The following LHFPL4 variants were observed in gnomAD, a reference collection of about 807,000 sequenced individuals.
LHFPL4 encodes LHFPL tetraspan subfamily member 4 protein.
Under a neutral mutation model 20.0 loss-of-function variants are expected in LHFPL4, and 6 were observed. That is an observed-to-expected ratio of 0.30 (90% CI 0.16 to 0.59). The LOEUF (loss-of-function observed/expected upper bound fraction) is 0.59. Among genes scored for constraint, LHFPL4 ranks in the 20% least tolerant of loss-of-function variants. The pLI, the probability that LHFPL4 is intolerant of heterozygous loss-of-function variation, is 0.88. For synonymous variants in LHFPL4, 129 were observed against 143.8 expected, an observed-to-expected ratio of 0.90 and a Z score of 0.74; for missense variants, 215 against 331.2, an observed-to-expected ratio of 0.65 and a Z score of 2.72.
intron 2 of LHFPL4, among the ~76,000 whole-genome samples, chr3:9,515,553 T>C (rs553445633): frequency 1.3e-5 from 2 of 152,194 alleles, no homozygotes; most frequent in South Asian, 4.1e-4. Flanking sequence ...TCTGTATTTT[T>C]AGTAGAGATG....
chr3:9,542,518 A>G (rs1297280217), intron 2 of LHFPL4, among the ~76,000 whole-genome samples: 1 of 152,192 alleles, frequency 6.6e-6, no homozygotes. Flanking sequence ...ACAAAAGACT[A>G]TATAGTGCCC....
chr3:9,545,113 TG>T (rs1308513120), intron 2 of LHFPL4, among the ~76,000 whole-genome samples: 1 of 144,202 alleles, frequency 6.9e-6, no homozygotes, highest in Non-Finnish European at 1.5e-5. Context: ...AGAAGAGGGG[TG>T]GGGAGAGGGA....
chr3:9,537,828 C>T (rs2046452706), intron 2 of LHFPL4, among the ~76,000 whole-genome samples: 1 of 152,128 alleles, frequency 6.6e-6, no homozygotes, highest in African/African-American at 2.4e-5. Flanking sequence ...GCAATTTCAT[C>T]TATGCTCAGA....
At chr3:9,520,681 GA>G (rs1333309730) in intron 2 of LHFPL4, among the ~76,000 whole-genome samples, 1 of 152,076 alleles carries the variant, frequency 6.6e-6, no homozygotes, top group Non-Finnish European at 1.5e-5. Flanking sequence ...ATGTGTTATT[GA>G]GAAGTGTGTT....
intron 2 of LHFPL4, among the ~76,000 whole-genome samples, chr3:9,540,427 G>A (rs1018659124): frequency 3.3e-5 from 5 of 152,176 alleles, no homozygotes; most frequent in African/African-American, 1.2e-4. Flanking sequence ...TAGAATGTGG[G>A]CTGGATTTAG....
intron 2 of LHFPL4, among the ~76,000 whole-genome samples, chr3:9,519,954 G>T (rs765825921): frequency 6.6e-6 from 1 of 151,902 alleles, no homozygotes; most frequent in Non-Finnish European, 1.5e-5. Flanking sequence ...TCACCATCCT[G>T]GTTGATTTTT....
rs560400579 is a variant in LHFPL4 at position 9,529,825 on chromosome 3, G to A, written c.406+22449C>T. Among the ~76,000 whole-genome samples, 32 of 151,742 alleles carry A rather than the reference G, an allele frequency of 2.1e-4. No individual in the cohort carries two copies. The South Asian group carries it at 6.5e-3, about 31-fold the overall frequency. ...TTTTTGTATTTTTAGTAGAGATGGG[G>A]TTTCACCATCTTGGCCATGCTGGTC... is the stretch of plus-strand genomic sequence containing the variant. On this transcript the variant is annotated intron_variant, in intron 2 of 3. Coordinates refer to ENST00000287585, the MANE Select transcript of LHFPL4 (RefSeq NM_198560.3).
Position 9,538,691 on chromosome 3 carries a change from A to T in LHFPL4, c.406+13583T>A, listed in dbSNP as rs531114155. On this transcript the variant is annotated intron_variant, in intron 2 of 3. Coordinates refer to ENST00000287585, the MANE Select transcript of LHFPL4 (RefSeq NM_198560.3). ...AACACCACAGTCAGAATTTAAATTC[A>T]GGTTTTCTTTCTTTTTTTTTTTTTT... Among the ~76,000 whole-genome samples the T allele has an allele frequency of 9.5e-5, 14 of 147,880 alleles. No homozygotes were observed. In the East Asian group the frequency reaches 2.7e-3, roughly 29 times the overall value.
At chr3:9,516,295 G>A (rs900498154) in intron 2 of LHFPL4, among the ~76,000 whole-genome samples, 2 of 151,770 alleles carry the variant, frequency 1.3e-5, no homozygotes, top group African/African-American at 4.8e-5. Context: ...TTATTATCTT[G>A]CATGTGGATA....
rs535642064 is a variant in LHFPL4 at position 9,530,107 on chromosome 3, A to C, written c.406+22167T>G. ...TAGAATTTTCACGTGGTAAATGAGC[A>C]CTGGCTTCAACTTAAAGTCACCAGC... On this transcript the variant is annotated intron_variant, in intron 2 of 3. Transcript: ENST00000287585. Among the ~76,000 whole-genome samples, 35 of 152,274 alleles carry C rather than the reference A, an allele frequency of 2.3e-4. 1 individual carries two copies. Among genetic ancestry groups the C allele is most frequent in the South Asian group, 2.3e-3 (11 of 4,828 alleles).
chr3:9,526,486 A>G (rs2046376537), intron 2 of LHFPL4, among the ~76,000 whole-genome samples: 1 of 152,170 alleles, frequency 6.6e-6, no homozygotes, highest in Non-Finnish European at 1.5e-5. Context: ...TTTGCTCACA[A>G]TTGTAGTCGG....
intron 2 of LHFPL4, among the ~76,000 whole-genome samples, chr3:9,540,455 T>C (rs2046470192): frequency 6.6e-6 from 1 of 152,198 alleles, no homozygotes; most frequent in African/African-American, 2.4e-5. Context: ...CTTCTTGTAA[T>C]AGAGTGTGGC....
intron 2 of LHFPL4, among the ~76,000 whole-genome samples, chr3:9,549,242 G>C (rs567262470): frequency 6.6e-6 from 1 of 152,332 alleles, no homozygotes; most frequent in East Asian, 1.9e-4. Flanking sequence ...AAGATCCTTG[G>C]AGACAGGGAT....
intron 2 of LHFPL4, among the ~76,000 whole-genome samples, chr3:9,545,985 T>C (rs982070591): frequency 6.6e-6 from 1 of 151,748 alleles, no homozygotes; most frequent in African/African-American, 2.4e-5. Context: ...GAGTTCCTGG[T>C]TGAGGTTCCT....
intron 2 of LHFPL4, among the ~76,000 whole-genome samples, chr3:9,548,186 A>T (rs1319331797): frequency 3.9e-5 from 6 of 152,168 alleles, no homozygotes; most frequent in Admixed American, 3.9e-4. Flanking sequence ...TGGACAAATG[A>T]CTTTTTCCTC....
chr3:9,524,101 T>G (rs762720610), intron 2 of LHFPL4, among the ~76,000 whole-genome samples: 2 of 151,926 alleles, frequency 1.3e-5, no homozygotes, highest in Non-Finnish European at 1.5e-5. Context: ...TTTTTTGTTG[T>G]TTTTTGTTGG....
At chr3:9,540,703 G>A (rs1273981327) in intron 2 of LHFPL4, among the ~76,000 whole-genome samples, 2 of 151,554 alleles carry the variant, frequency 1.3e-5, no homozygotes, top group African/African-American at 2.4e-5. Context: ...GACCAGCCTG[G>A]GCAACATAGC....
chr3:9,545,502 C>G (rs1378772348), intron 2 of LHFPL4, among the ~76,000 whole-genome samples: 1 of 152,016 alleles, frequency 6.6e-6, no homozygotes, highest in Non-Finnish European at 1.5e-5. Flanking sequence ...ATAGTGAGAC[C>G]CTGTCTCTAC....
intron 2 of LHFPL4, among the ~76,000 whole-genome samples, chr3:9,543,740 T>TC (rs1333952191): frequency 6.8e-6 from 1 of 147,210 alleles, no homozygotes; most frequent in Admixed American, 6.7e-5. Flanking sequence ...TTTTTTTTTT[T>TC]TTTTTTTTGA....
Sources: allele counts gnomAD v4.1 joint callset (sites outside exome capture counted in the v4.1 genomes callset), GRCh38; gene constraint gnomAD v4.1.1; transcripts MANE v1.5; gene names NCBI Gene and HGNC (gene_info 2026-07-23, HGNC 2026-07-21).